The following PAPSS1 variants were observed in gnomAD, a reference collection of about 807,000 sequenced individuals.
PAPSS1 encodes bifunctional 3'-phosphoadenosine 5'-phosphosulfate synthase 1.
PAPSS1 carries 50 observed loss-of-function variants against 72.0 expected under a neutral mutation model. The ratio of observed to expected loss-of-function variants is 0.69; its 90% CI spans 0.55 to 0.88. The LOEUF (loss-of-function observed/expected upper bound fraction) is 0.88. Ranked by LOEUF, PAPSS1 falls within the 40% of genes least tolerant of loss-of-function variation. PAPSS1 has a pLI of 0.00. For missense variants in PAPSS1, 657 were observed against 782.2 expected, an observed-to-expected ratio of 0.84 and a Z score of 1.91; for synonymous variants, 261 against 263.6, an observed-to-expected ratio of 0.99 and a Z score of 0.09.
chr4:107,702,097 A>C (rs754473125), intron 1 of PAPSS1, among the ~76,000 whole-genome samples: 1 of 152,220 alleles, frequency 6.6e-6, no homozygotes, highest in Non-Finnish European at 1.5e-5. Flanking sequence ...CAACATCATT[A>C]GCCACCAGGA....
intron 11 of PAPSS1, among the ~76,000 whole-genome samples, chr4:107,627,556 A>G (rs1726130637): frequency 6.6e-6 from 1 of 152,178 alleles, no homozygotes; most frequent in South Asian, 2.1e-4. Flanking sequence ...TACAAATTAT[A>G]GGGCCTCTCC....
At position 107,651,603 on chromosome 4, in the gene PAPSS1, G is replaced by C. The variant is rs1193725570; in HGVS notation, c.1237+1888C>G. On this transcript the variant is annotated intron_variant, in intron 9 of 11. Coordinates refer to ENST00000265174, the MANE Select transcript of PAPSS1 (RefSeq NM_005443.5). The stretch of plus-strand genomic sequence containing the variant: ...TTCACATGGTGGCAGGAGAGAGAAT[G>C]AGAACCAAGCAAAAGGGGAAGCCCC... 3.3e-5 allele frequency among the ~76,000 whole-genome samples: 5 copies of C among 152,170 alleles called. No homozygotes were observed. The South Asian group carries it at 8.3e-4, about 25-fold the overall frequency.
At chr4:107,686,946 CTAACACT>C in intron 4 of PAPSS1, 86 bp downstream of exon 4, 3 of 27,436 alleles carry the variant, frequency 1.1e-4, no homozygotes, top group Non-Finnish European at 7.8e-4. Flanking sequence ...CCAAGTCACT[CTAACACT>C]TCCAATCTCT....
At chr4:107,710,758 G>A (rs1723467662) in intron 1 of PAPSS1, among the ~76,000 whole-genome samples, 1 of 152,170 alleles carries the variant, frequency 6.6e-6, no homozygotes, top group Non-Finnish European at 1.5e-5. Flanking sequence ...TGAGCAAGAC[G>A]AGCTGTGTCC....
chr4:107,687,216 A>G, intron 3 of PAPSS1, 39 bp from the exon 4 acceptor site: 1 of 1,481,602 alleles, frequency 6.7e-7, no homozygotes, highest in Non-Finnish European at 9.0e-7. Flanking sequence ...CACACAAATC[A>G]CAAACGTACT....
intron 2 of PAPSS1, among the ~76,000 whole-genome samples, chr4:107,700,333 T>C (rs1028445064): frequency 2.0e-5 from 3 of 152,164 alleles, no homozygotes; most frequent in African/African-American, 7.2e-5. Context: ...TTCACAGAAG[T>C]GAAAGCATCC....
At chr4:107,637,744 CTATT>C (rs1205194508) in intron 10 of PAPSS1, among the ~76,000 whole-genome samples, 1 of 152,122 alleles carries the variant, frequency 6.6e-6, no homozygotes, top group Non-Finnish European at 1.5e-5. Context: ...GGCACAGAAA[CTATT>C]TTTTTAGTAA....
intron 2 of PAPSS1, among the ~76,000 whole-genome samples, chr4:107,700,842 A>C (rs2125936620): frequency 6.6e-6 from 1 of 152,310 alleles, no homozygotes; most frequent in East Asian, 1.9e-4. Flanking sequence ...AACAGCATAA[A>C]ATAGACTAAG....
intron 10 of PAPSS1, among the ~76,000 whole-genome samples, chr4:107,642,231 A>T (rs556889629): frequency 2.6e-5 from 4 of 152,284 alleles, no homozygotes; most frequent in East Asian, 3.9e-4. Context: ...CTAGTATTTT[A>T]AAAAAGATGT....
intron 5 of PAPSS1, among the ~76,000 whole-genome samples, chr4:107,666,170 A>AACC (rs1481049247): frequency 2.0e-5 from 3 of 152,224 alleles, no homozygotes; most frequent in Admixed American, 1.3e-4. Flanking sequence ...TAGAGCACTA[A>AACC]ACCACCATTT....
chr4:107,653,052 TATATATGAATATATATATGAATAC>T (rs1726892652), intron 9 of PAPSS1, among the ~76,000 whole-genome samples: 1 of 150,498 alleles, frequency 6.6e-6, no homozygotes, highest in Non-Finnish European at 1.5e-5. Context: ...GACATTCATA[TATATATGAATATATATATGAATAC>T]ATATATGAAT....
chr4:107,633,755 T>C (rs1157121146), intron 10 of PAPSS1, among the ~76,000 whole-genome samples: 1 of 151,722 alleles, frequency 6.6e-6, no homozygotes, highest in Non-Finnish European at 1.5e-5. Context: ...CCATCTCTAC[T>C]AAAAATACAA....
rs1174680147 is a variant in PAPSS1 at position 107,613,902 on chromosome 4, G to A, written c.*347C>T. ...TTTGGTAATTTTTTTCTTTTTTTAA[G>A]GGGAAAAAAAGCAAGATTTAATGTG... On this transcript the variant is annotated 3_prime_UTR_variant, in exon 12 of 12. Coordinates refer to ENST00000265174, the MANE Select transcript of PAPSS1 (RefSeq NM_005443.5). The A allele has an allele frequency of 6.4e-6, 1 of 156,520 alleles. No homozygotes were observed. Among genetic ancestry groups the A allele is most frequent in the Admixed American group, 6.5e-5 (1 of 15,346 alleles). The allele number at this position is 156,520 out of a possible 1,614,324, so 9.7% of individuals were successfully genotyped here.
intron 5 of PAPSS1, among the ~76,000 whole-genome samples, chr4:107,667,062 G>A (rs1727338379): frequency 6.6e-6 from 1 of 152,122 alleles, no homozygotes; most frequent in Admixed American, 6.6e-5. Flanking sequence ...GCAACTTTCA[G>A]CCTCACTCTA....
Position 107,705,709 on chromosome 4 carries a change from T to C in PAPSS1, c.61-4424A>G, listed in dbSNP as rs76221178. ...ACATTCATACCGGAGATATAAATTA[T>C]TGTCACACGACAATTACAGTATTTA... On this transcript the variant is annotated intron_variant, in intron 1 of 11. Transcript: ENST00000265174. 6.1e-3 allele frequency among the ~76,000 whole-genome samples: 934 copies of C among 152,382 alleles called. 22 individuals carry two copies. Among genetic ancestry groups the C allele is most frequent in the East Asian group, 0.05 (260 of 5,192 alleles).
Position 107,701,191 on chromosome 4 carries a change from C to T in PAPSS1, c.155G>A (p.Gly52Asp). ...QVVGTRGGFR[G>D]CTVWLTGLSG... ...CATACCTGTTAGCCAAACTGTGCAA[C>T]CACGAAAGCCACCTCTGGTCCCCAC... Residue 52 changes from glycine (G) to aspartate (D), a missense_variant, in exon 2 of 12, where the codon GGT (glycine) becomes GAT (aspartate). Around this residue, in one of 7 missense-constraint regions of PAPSS1, gnomAD observed 119 missense variants for 171.1 expected, o/e 0.70. Coordinates refer to ENST00000265174, the MANE Select transcript of PAPSS1 (RefSeq NM_005443.5). 6.2e-7 allele frequency: 1 copy of T among 1,613,430 alleles called. No homozygotes were observed. Among genetic ancestry groups the T allele is most frequent in the Non-Finnish European group, 8.5e-7 (1 of 1,179,506 alleles).
At chr4:107,712,863 CTCCGTCT>C (rs1220510871) in intron 1 of PAPSS1, among the ~76,000 whole-genome samples, 1 of 127,554 alleles carries the variant, frequency 7.8e-6, no homozygotes, top group Non-Finnish European at 1.7e-5. Flanking sequence ...CAGAGCGAGA[CTCCGTCT>C]CGGGAAAGAA....
At chr4:107,710,935 G>A (rs1723475681) in intron 1 of PAPSS1, among the ~76,000 whole-genome samples, 1 of 152,212 alleles carries the variant, frequency 6.6e-6, no homozygotes, top group Non-Finnish European at 1.5e-5. Flanking sequence ...ACATGGCTGT[G>A]ATAACAAGTG....
chr4:107,617,600 T>A (rs547935002), intron 11 of PAPSS1, among the ~76,000 whole-genome samples: 114 of 152,282 alleles, frequency 7.5e-4, no homozygotes, highest in African/African-American at 2.6e-3. Context: ...CCCCTAGTCA[T>A]CCTGTCTATT....
Sources: gnomAD v4.1 joint callset for allele counts (sites outside exome capture counted in the v4.1 genomes callset) on GRCh38, gnomAD v4.1.1 for gene constraint, gnomAD v4.1.1 regional missense constraint, MANE v1.5 for transcripts, NCBI Gene and HGNC (gene_info 2026-07-23, HGNC 2026-07-21) for gene names.